The following FAHD2B variants were observed in gnomAD, a reference collection of about 807,000 sequenced individuals.
FAHD2B encodes the protein oxaloacetate tautomerase FAHD2B, mitochondrial.
A neutral mutation model predicts 33.7 loss-of-function variants in FAHD2B; 26 were observed. That is an observed-to-expected ratio of 0.77 (90% CI 0.57 to 1.07). FAHD2B has a LOEUF of 1.07. FAHD2B is among the 50% of genes least tolerant of loss of function. FAHD2B has a pLI of 0.00. For missense variants in FAHD2B, 272 were observed against 388.1 expected (o/e 0.70, Z 2.51); for synonymous variants, 108 against 150.9 (o/e 0.72, Z 2.08).
At chr2:97,080,084 T>C (rs1339752633), downstream of FAHD2B, among the ~76,000 whole-genome samples, 3 of 152,176 alleles carry the variant, frequency 2.0e-5, no homozygotes, top group Admixed American at 2.0e-4. Context: ...GTGTGGAAAC[T>C]CTTTAGTTTA....
Position 97,090,367 on chromosome 2 carries a change from G to A in FAHD2B, c.246-42C>T, listed in dbSNP as rs1184359052. The A allele has an allele frequency of 4.1e-6, 6 of 1,476,916 alleles. 1 individual carries two copies. In the Admixed American group the frequency reaches 1.1e-4, roughly 27 times the overall value. 91.5% of individuals were successfully genotyped at this position (1,476,916 alleles called of 1,614,324 possible). A position where few individuals can be genotyped will look rare whatever the true frequency, so the allele number is the denominator to read the frequency against. On this transcript the variant is annotated intron_variant, in intron 3 of 8. Transcript: ENST00000414820. Reference sequence around the variant, plus strand: ...AGGTGAGAGGGTCTGGCTGGGAACAGGTGGGCAATCCCGGGCAGGCTGGGC... The same window carrying A: ...AGGTGAGAGGGTCTGGCTGGGAACAAGTGGGCAATCCCGGGCAGGCTGGGC...
chr2:97,090,281 G>A lies in FAHD2B; in HGVS notation c.290C>T (p.Thr97Ile). Reference protein sequence around the residue: ...QLPVLPWSEVTFLAPVTWPDK... With the variant: ...QLPVLPWSEVIFLAPVTWPDK... ...TGGCCATGTGACTGGAGCCAGGAAG[G>A]TTACCTCCGACCATGGTAGGACTGG... The change falls in exon 4 of 9, where the codon ACC (threonine) becomes ATC (isoleucine). Residue 97 changes from threonine to isoleucine, a missense_variant. Coordinates refer to ENST00000414820, the MANE Select transcript of FAHD2B (RefSeq NM_001320848.2). 6.2e-7 allele frequency: 1 copy of A among 1,613,540 alleles called. No homozygotes were observed. The highest frequency in any genetic ancestry group is 8.5e-7 in the Non-Finnish European group (1 of 1,179,786).
chr2:97,091,812 T>C, intron 2 of FAHD2B, 51 bp downstream of exon 2: 2 of 1,504,426 alleles, frequency 1.3e-6, no homozygotes, highest in Admixed American at 2.2e-5. Flanking sequence ...CTTTGCCCCA[T>C]CAACCGTTCC....
chr2:97,086,081 G>A (rs551008269), intron 5 of FAHD2B, 58 bp downstream of exon 5: 2 of 1,592,758 alleles, frequency 1.3e-6, no homozygotes, highest in East Asian at 2.3e-5. Flanking sequence ...AACTAGGAGA[G>A]GCAGGAGCTG....
At chr2:97,079,326 T>G (rs2031573037), downstream of FAHD2B, among the ~76,000 whole-genome samples, 1 of 152,156 alleles carries the variant, frequency 6.6e-6, no homozygotes. Flanking sequence ...TTTATTTCTC[T>G]AGGTCTTTGA....
At chr2:97,085,003 G>A (rs2031876705) in intron 6 of FAHD2B, among the ~76,000 whole-genome samples, 1 of 152,006 alleles carries the variant, frequency 6.6e-6, no homozygotes, top group Non-Finnish European at 1.5e-5. Flanking sequence ...CCGCTGGCAG[G>A]GGATGGATTA....
chr2:97,082,179 C>G (rs1182409479), downstream of FAHD2B: 1 of 1,529,216 alleles, frequency 6.5e-7, no homozygotes, highest in Non-Finnish European at 8.8e-7. Flanking sequence ...GCACTCACCC[C>G]GGCCTGTCCC....
At chr2:97,083,113 C>A, downstream of FAHD2B, 1 of 1,533,320 alleles carries the variant, frequency 6.5e-7, no homozygotes, top group South Asian at 1.2e-5. Context: ...CTGTGGTGAG[C>A]GCACTCATGG....
At position 97,090,607 on chromosome 2, in the gene FAHD2B, G is replaced by C. The variant is rs550329304; in HGVS notation, c.246-282C>G. Reference sequence around the variant, plus strand: ...TGGAAAGGTCTCCCTTTCCCCTTCTGGTTACCCCGTTCCCCTGGCTCTTCG... The same window carrying C: ...TGGAAAGGTCTCCCTTTCCCCTTCTCGTTACCCCGTTCCCCTGGCTCTTCG... On this transcript the variant is annotated intron_variant, in intron 3 of 8. Coordinates refer to ENST00000414820, the MANE Select transcript of FAHD2B (RefSeq NM_001320848.2). Among the ~76,000 whole-genome samples the C allele has an allele frequency of 1.3e-3, 193 of 152,100 alleles. 2 individuals carry two copies. Among genetic ancestry groups the C allele is most frequent in the Middle Eastern group, 3.4e-3 (1 of 294 alleles).
intron 1 of FAHD2B, among the ~76,000 whole-genome samples, chr2:97,093,191 G>T (rs1442731000): frequency 6.6e-6 from 1 of 151,976 alleles, no homozygotes; most frequent in Admixed American, 6.6e-5. Flanking sequence ...AGGCAGCTGA[G>T]CCCCAGACTC....
At chr2:97,089,936 C>T (rs570362549) in intron 4 of FAHD2B, 173 bp downstream of exon 4, 9 of 612,194 alleles carry the variant, frequency 1.5e-5, no homozygotes, top group East Asian at 1.4e-4. Flanking sequence ...CAGGAAAACA[C>T]GTACATTAAC....
intron 2 of FAHD2B, 55 bp from the exon 3 acceptor site, chr2:97,091,767 C>T: frequency 1.3e-6 from 2 of 1,567,472 alleles, no homozygotes; most frequent in Non-Finnish European, 1.7e-6. Flanking sequence ...CCATCATCAG[C>T]ATCCCTGATA....
intron 6 of FAHD2B, among the ~76,000 whole-genome samples, chr2:97,084,673 C>A (rs557596925): frequency 6.6e-6 from 1 of 152,022 alleles, no homozygotes; most frequent in African/African-American, 2.4e-5. Context: ...TTTGGGAGGG[C>A]AAAACAGGTG....
chr2:97,079,201 T>C (rs931782960), downstream of FAHD2B, among the ~76,000 whole-genome samples: 2 of 152,158 alleles, frequency 1.3e-5, no homozygotes, highest in African/African-American at 2.4e-5. Flanking sequence ...ATTCCACATC[T>C]GTGCTATTGT....
chr2:97,083,987 TG>T lies in FAHD2B; in HGVS notation c.842del (p.Pro281GlnfsTer26), dbSNP rs751966944. The T allele has an allele frequency of 2.5e-6, 4 of 1,613,574 alleles. No homozygotes were observed. Among genetic ancestry groups the T allele is most frequent in the African/African-American group, 1.3e-5 (1 of 74,878 alleles). ...GAGGTTTCCTGAATACACCGACACC[TG>T]GGGGGGTCCCAGTTAGGATGACATC... The part of the protein sequence containing the change: ...PGDVILTGTP[P>X]GVGVFRKPPV... On this transcript the variant is annotated frameshift_variant, in exon 8 of 9. Coordinates refer to ENST00000414820, the MANE Select transcript of FAHD2B (RefSeq NM_001320848.2). LOFTEE classifies it high-confidence loss of function.
Position 97,091,683 on chromosome 2 carries a change from T to A in FAHD2B, c.24A>T (p.Arg8Ser). Residue 8 changes from arginine (R) to serine (S), a missense_variant, in exon 3 of 9, where the codon AGA becomes AGT. Coordinates refer to ENST00000414820, the MANE Select transcript of FAHD2B (RefSeq NM_001320848.2). ...GAGCCTGCAGCAGAGCTGTGAGTAATCTTCTTCTACCAGACACCAGCATCA... is the reference window on the plus strand; with the variant it reads ...GAGCCTGCAGCAGAGCTGTGAGTAAACTTCTTCTACCAGACACCAGCATCA... MLVSGRR[R>S]LLTALLQAQK... is the part of the protein sequence containing the mutation. 6.2e-7 allele frequency: 1 copy of A among 1,612,806 alleles called. No homozygotes were observed.
At position 97,085,859 on chromosome 2, in the gene FAHD2B, G is replaced by C. The variant is rs1468179763; in HGVS notation, c.525C>G (p.Ala175=). The C allele has an allele frequency of 1.9e-6, 3 of 1,613,726 alleles. No individual in the cohort carries two copies. Among genetic ancestry groups the C allele is most frequent in the South Asian group, 1.1e-5 (1 of 90,992 alleles). Residue 175 remains alanine (A), a splice_region_variant and synonymous_variant, in exon 6 of 9, where the codon GCC becomes GCG. Coordinates refer to ENST00000414820, the MANE Select transcript of FAHD2B (RefSeq NM_001320848.2). ...CGGCCACGTGGGCCATGGCATCTGT[G>C]GCCTATGGGGGCAGGGGATTTGGCC... ...VIGKKGKHIK[A]TDAMAHVAGF... is the part of the protein sequence containing the mutation.
chr2:97,090,271 A>G lies in FAHD2B; in HGVS notation c.300T>C (p.Ala100=). Residue 100 remains alanine (A), a synonymous_variant, in exon 4 of 9, where the codon GCT becomes GCC. Transcript: ENST00000414820. ...CCACCTTATCTGGCCATGTGACTGG[A>G]GCCAGGAAGGTTACCTCCGACCATG... ...VLPWSEVTFL[A]PVTWPDKVVC... The G allele has an allele frequency of 1.9e-6, 3 of 1,613,350 alleles. No homozygotes were observed. The highest frequency in any genetic ancestry group is 2.5e-6 in the Non-Finnish European group (3 of 1,179,748).
Position 97,083,959 on chromosome 2 carries a change from CAGG to C in FAHD2B, c.868_870del (p.Pro290del), listed in dbSNP as rs1189511941. 3 of 1,613,862 alleles carry C rather than the reference CAGG, an allele frequency of 1.9e-6. No individual in the cohort carries two copies. The highest frequency in any genetic ancestry group is 2.5e-6 in the Non-Finnish European group (3 of 1,179,982). On this transcript the variant is annotated inframe_deletion, in exon 8 of 9. Coordinates refer to ENST00000414820, the MANE Select transcript of FAHD2B (RefSeq NM_001320848.2). ...TTTCGCTAACCTACCTTGAGAAAGA[CAGG>C]AGGTTTCCTGAATACACCGACACCT...
Sources: allele counts gnomAD v4.1 joint callset (sites outside exome capture counted in the v4.1 genomes callset), GRCh38; gene constraint gnomAD v4.1.1; transcripts MANE v1.5; gene names NCBI Gene and HGNC (gene_info 2026-07-23, HGNC 2026-07-21).